The following UBE2E2 variants were observed in gnomAD, a reference collection of about 807,000 sequenced individuals.
UBE2E2 encodes the protein ubiquitin conjugating enzyme E2 E2, also known as ubiquitin-conjugating enzyme E2 E2.
Under a neutral mutation model 24.7 loss-of-function variants are expected in UBE2E2, and 6 were observed. That is an observed-to-expected ratio of 0.24 (90% CI 0.13 to 0.48). The LOEUF (loss-of-function observed/expected upper bound fraction) is 0.48, where lower values mean the gene tolerates loss of function less well. Among genes scored for constraint, UBE2E2 ranks in the 20% least tolerant of loss-of-function variants. The probability of loss-of-function intolerance (pLI) is 0.99; values close to 1 mark genes in which losing one functional copy is unlikely to be tolerated. For missense variants in UBE2E2, 169 were observed against 245.0 expected, an observed-to-expected ratio of 0.69 and a Z score of 2.07; for synonymous variants, 104 against 83.6, an observed-to-expected ratio of 1.24 and a Z score of -1.33.
intron 3 of UBE2E2, among the ~76,000 whole-genome samples, chr3:23,444,828 T>C (rs1162332499): frequency 6.6e-6 from 1 of 152,226 alleles, no homozygotes; most frequent in Non-Finnish European, 1.5e-5. Context: ...ATGGGTACTT[T>C]GGGCCTAAGA....
intron 3 of UBE2E2, among the ~76,000 whole-genome samples, chr3:23,226,036 T>C (rs1385374219): frequency 2.0e-5 from 3 of 152,112 alleles, no homozygotes; most frequent in Non-Finnish European, 2.9e-5. Flanking sequence ...CATGCCACCA[T>C]GCATGGCTAA....
At chr3:23,353,641 T>C (rs894043043) in intron 3 of UBE2E2, among the ~76,000 whole-genome samples, 3 of 152,056 alleles carry the variant, frequency 2.0e-5, no homozygotes, top group African/African-American at 7.2e-5. Flanking sequence ...TCACAGTTGC[T>C]TCAAAGAGAA....
At chr3:23,352,392 A>C (rs978793238) in intron 3 of UBE2E2, among the ~76,000 whole-genome samples, 1 of 152,212 alleles carries the variant, frequency 6.6e-6, no homozygotes, top group African/African-American at 2.4e-5. Context: ...TCAGAGCAGA[A>C]CTGAAGGAAA....
At chr3:23,401,660 G>A (rs978599649) in intron 3 of UBE2E2, among the ~76,000 whole-genome samples, 1 of 151,942 alleles carries the variant, frequency 6.6e-6, no homozygotes, top group African/African-American at 2.4e-5. Flanking sequence ...CATAGCCAGA[G>A]AACTTCATTA....
rs1055658424 is a variant in UBE2E2 at position 23,457,828 on chromosome 3, A to G, written c.228-41780A>G. 5.3e-5 allele frequency among the ~76,000 whole-genome samples: 8 copies of G among 152,274 alleles called. No homozygotes were observed. The South Asian group carries it at 1.0e-3, about 20-fold the overall frequency. On this transcript the variant is annotated intron_variant, in intron 3 of 5. Coordinates refer to ENST00000396703, the MANE Select transcript of UBE2E2 (RefSeq NM_152653.4). ...CTATAGCTTCCAGCTTTTCTTCTGCAGTTTTCTTACTCTCTTAGCCTTCGC... is the reference window on the plus strand; with the variant it reads ...CTATAGCTTCCAGCTTTTCTTCTGCGGTTTTCTTACTCTCTTAGCCTTCGC...
chr3:23,252,059 T>C (rs1697589605), intron 3 of UBE2E2, among the ~76,000 whole-genome samples: 1 of 152,212 alleles, frequency 6.6e-6, no homozygotes, highest in Admixed American at 6.5e-5. Context: ...AGTAAGCTTT[T>C]TGGCCTAATT....
chr3:23,205,607 C>A (rs1229214344), intron 1 of UBE2E2, among the ~76,000 whole-genome samples: 4 of 152,042 alleles, frequency 2.6e-5, no homozygotes, highest in African/African-American at 4.8e-5. Context: ...GATGTGAAAA[C>A]TTTATTTCTA....
chr3:23,354,452 A>G (rs1446630761), intron 3 of UBE2E2, among the ~76,000 whole-genome samples: 1 of 152,238 alleles, frequency 6.6e-6, no homozygotes, highest in Non-Finnish European at 1.5e-5. Flanking sequence ...GGCAACCTGC[A>G]AAATGGGTGA....
intron 3 of UBE2E2, among the ~76,000 whole-genome samples, chr3:23,305,425 T>G (rs962079265): frequency 1.3e-5 from 2 of 152,226 alleles, no homozygotes; most frequent in Non-Finnish European, 2.9e-5. Context: ...GAATTTTTAT[T>G]TCTCTTTTAA....
chr3:23,382,168 G>A (rs1272031536), intron 3 of UBE2E2, among the ~76,000 whole-genome samples: 1 of 145,366 alleles, frequency 6.9e-6, no homozygotes, highest in Non-Finnish European at 1.5e-5. Flanking sequence ...TCATAATTAC[G>A]AATACTTTAA....
At chr3:23,256,726 C>A (rs527785841) in intron 3 of UBE2E2, among the ~76,000 whole-genome samples, 1 of 151,418 alleles carries the variant, frequency 6.6e-6, no homozygotes, top group South Asian at 2.1e-4. Context: ...CAGTGCGTTA[C>A]ATATTTGATT....
intron 5 of UBE2E2, among the ~76,000 whole-genome samples, chr3:23,556,374 C>T (rs900626614): frequency 6.8e-6 from 1 of 147,154 alleles, no homozygotes; most frequent in African/African-American, 2.5e-5. Context: ...ATCTCTTGAC[C>T]TCATGATCCA....
At chr3:23,214,701 A>G (rs982206590) in intron 2 of UBE2E2, among the ~76,000 whole-genome samples, 1 of 152,102 alleles carries the variant, frequency 6.6e-6, no homozygotes, top group Admixed American at 6.6e-5. Flanking sequence ...GCTTTTTAGA[A>G]TGCCTATTCT....
intron 3 of UBE2E2, among the ~76,000 whole-genome samples, chr3:23,468,617 G>A (rs1267012095): frequency 6.6e-6 from 1 of 152,216 alleles, no homozygotes; most frequent in Non-Finnish European, 1.5e-5. Flanking sequence ...TTCAAATTCT[G>A]TTTCTCTACT....
chr3:23,465,496 T>C (rs1698902123), intron 3 of UBE2E2, among the ~76,000 whole-genome samples: 1 of 152,250 alleles, frequency 6.6e-6, no homozygotes, highest in African/African-American at 2.4e-5. Context: ...TTAAGAGTAC[T>C]GACAGATTCA....
intron 3 of UBE2E2, among the ~76,000 whole-genome samples, chr3:23,347,803 A>G (rs1370797286): frequency 1.3e-5 from 2 of 152,178 alleles, no homozygotes; most frequent in African/African-American, 2.4e-5. Context: ...TCAATTTGTC[A>G]TTAAATCAAG....
At chr3:23,294,794 G>C (rs1452721821) in intron 3 of UBE2E2, among the ~76,000 whole-genome samples, 1 of 148,462 alleles carries the variant, frequency 6.7e-6, no homozygotes, top group East Asian at 2.0e-4. Context: ...TGTATCTTTA[G>C]ATTATTTGTA....
intron 3 of UBE2E2, among the ~76,000 whole-genome samples, chr3:23,396,374 A>G (rs1697077965): frequency 6.7e-6 from 1 of 148,436 alleles, no homozygotes; most frequent in Non-Finnish European, 1.5e-5. Context: ...ATAAAATAAA[A>G]AATTATATAT....
chr3:23,376,941 A>T (rs1357577374), intron 3 of UBE2E2, among the ~76,000 whole-genome samples: 1 of 152,004 alleles, frequency 6.6e-6, no homozygotes, highest in African/African-American at 2.4e-5. Flanking sequence ...GGGAGAAAAC[A>T]CTCCAGCTTC....
Sources: allele counts gnomAD v4.1 joint callset (sites outside exome capture counted in the v4.1 genomes callset), GRCh38; gene constraint gnomAD v4.1.1; transcripts MANE v1.5; gene names NCBI Gene and HGNC (gene_info 2026-07-23, HGNC 2026-07-21).